CHRM5: variants seen among roughly 807,000 people sequenced by gnomAD.
The protein encoded by CHRM5 is cholinergic receptor muscarinic 5.
A neutral mutation model predicts 39.0 loss-of-function variants in CHRM5; 18 were observed. The observed-to-expected ratio is 0.46, with a 90% CI of 0.32 to 0.68. CHRM5 has a LOEUF of 0.68. Ranked by LOEUF, CHRM5 falls within the 30% of genes least tolerant of loss-of-function variation. The probability of loss-of-function intolerance (pLI) is 0.04; values close to 1 mark genes in which losing one functional copy is unlikely to be tolerated. For missense variants in CHRM5, 515 were observed against 651.1 expected, an observed-to-expected ratio of 0.79 and a Z score of 2.28; for synonymous variants, 241 against 246.3, an observed-to-expected ratio of 0.98 and a Z score of 0.20.
intron 2 of CHRM5, among the ~76,000 whole-genome samples, chr15:34,047,810 G>T (rs1275851925): frequency 6.6e-6 from 1 of 152,006 alleles, no homozygotes; most frequent in Non-Finnish European, 1.5e-5. Context: ...GTGCAATGGC[G>T]CAATCTCGGC....
chr15:34,025,000 G>A lies in CHRM5; in HGVS notation c.-407-21540G>A, dbSNP rs193080696. Among the ~76,000 whole-genome samples, 13 of 151,520 alleles carry A rather than the reference G, an allele frequency of 8.6e-5. No individual in the cohort carries two copies. The East Asian group carries it at 1.2e-3, about 14-fold the overall frequency. ...GATTTTGAGACCAGTAGAGAACCCC[G>A]TCTCTACTAAAAATACAAAAATTAG... On this transcript the variant is annotated intron_variant, in intron 1 of 2. Transcript: ENST00000383263.
intron 1 of CHRM5, among the ~76,000 whole-genome samples, chr15:33,985,220 C>T (rs1896371384): frequency 6.6e-6 from 1 of 151,898 alleles, no homozygotes; most frequent in Non-Finnish European, 1.5e-5. Flanking sequence ...CATGAGACAC[C>T]TGGGCCAGAG....
At chr15:34,036,166 A>T (rs1899115982) in intron 1 of CHRM5, among the ~76,000 whole-genome samples, 1 of 152,036 alleles carries the variant, frequency 6.6e-6, no homozygotes, top group Non-Finnish European at 1.5e-5. Context: ...GTATTCCGTG[A>T]AGATAATTAT....
intron 1 of CHRM5, among the ~76,000 whole-genome samples, chr15:34,008,839 G>A (rs1897494763): frequency 6.6e-6 from 1 of 151,974 alleles, no homozygotes; most frequent in Non-Finnish European, 1.5e-5. Context: ...TAGTGTATAT[G>A]CAAAGAGATT....
intron 2 of CHRM5, among the ~76,000 whole-genome samples, chr15:34,050,534 C>T (rs892456060): frequency 2.6e-5 from 4 of 152,058 alleles, no homozygotes; most frequent in African/African-American, 9.7e-5. Context: ...GCTAAATGCC[C>T]CAATTAAAAG....
chr15:34,057,294 G>A (rs1335979065), intron 2 of CHRM5, among the ~76,000 whole-genome samples: 2 of 118,236 alleles, frequency 1.7e-5, no homozygotes, highest in African/African-American at 3.1e-5. Flanking sequence ...ATGCCACCAC[G>A]CCCAGCTAAT....
chr15:34,005,616 A>G (rs1420341550), intron 1 of CHRM5, among the ~76,000 whole-genome samples: 1 of 152,202 alleles, frequency 6.6e-6, no homozygotes, highest in African/African-American at 2.4e-5. Context: ...GGGTTTGGAT[A>G]ATGAAGTCTG....
chr15:33,984,952 A>C (rs529300404), intron 1 of CHRM5, among the ~76,000 whole-genome samples: 1 of 152,174 alleles, frequency 6.6e-6, no homozygotes, highest in South Asian at 2.1e-4. Context: ...TGAACCAACC[A>C]ATATTTTCAC....
At position 34,053,319 on chromosome 15, in the gene CHRM5, A is replaced by AAAAT. The variant is rs775436850; in HGVS notation, c.-76+6449_-76+6450insAATA. On this transcript the variant is annotated intron_variant, in intron 2 of 2. Coordinates refer to ENST00000383263, the MANE Select transcript of CHRM5 (RefSeq NM_012125.4). ...CATCTCAAAAAAAAAAAAAAAAAAAAATATATATATATATATATATATATG... is the reference window on the plus strand; with the variant it reads ...CATCTCAAAAAAAAAAAAAAAAAAAAAAATATATATATATATATATATATATATG... 7.3e-3 allele frequency among the ~76,000 whole-genome samples: 306 copies of AAAAT among 42,022 alleles called. 4 individuals carry two copies. The highest frequency in any genetic ancestry group is 0.011 in the Non-Finnish European group (231 of 21,182). The allele number at this position is 42,022 out of a possible 152,430, so 27.6% of individuals were successfully genotyped here. A position where few individuals can be genotyped will look rare whatever the true frequency, so the allele number is the denominator to read the frequency against.
intron 1 of CHRM5, chr15:34,039,249 G>A (rs1899351622): frequency 7.9e-6 from 2 of 252,298 alleles, no homozygotes; most frequent in South Asian, 1.5e-4. Flanking sequence ...AGGTGGGGCC[G>A]GAACCGGGAC....
chr15:34,046,041 T>C (rs1899669098), intron 1 of CHRM5, among the ~76,000 whole-genome samples: 1 of 152,130 alleles, frequency 6.6e-6, no homozygotes, highest in Non-Finnish European at 1.5e-5. Flanking sequence ...ACTGTTAAAG[T>C]TTGAGTAATC....
chr15:34,016,850 C>A (rs1410624448), intron 1 of CHRM5, among the ~76,000 whole-genome samples: 1 of 152,124 alleles, frequency 6.6e-6, no homozygotes, highest in African/African-American at 2.4e-5. Flanking sequence ...TGCCAACACC[C>A]ACGTGTGGTG....
intron 1 of CHRM5, among the ~76,000 whole-genome samples, chr15:34,032,213 T>C (rs1208791197): frequency 6.6e-6 from 1 of 152,176 alleles, no homozygotes; most frequent in Non-Finnish European, 1.5e-5. Context: ...GAAAACACCT[T>C]TGCAACCACC....
chr15:33,990,266 C>T (rs1055231456), intron 1 of CHRM5, among the ~76,000 whole-genome samples: 10 of 151,946 alleles, frequency 6.6e-5, no homozygotes, highest in African/African-American at 2.4e-4. Context: ...CCTATAGTCC[C>T]AGCTACTCAG....
At chr15:34,017,895 T>C (rs1343004447) in intron 1 of CHRM5, among the ~76,000 whole-genome samples, 1 of 152,192 alleles carries the variant, frequency 6.6e-6, no homozygotes, top group Non-Finnish European at 1.5e-5. Flanking sequence ...CCCATAAGGT[T>C]ATAATGGAGC....
intron 1 of CHRM5, among the ~76,000 whole-genome samples, chr15:34,014,399 A>C (rs1897786719): frequency 7.3e-6 from 1 of 136,836 alleles, no homozygotes; most frequent in Admixed American, 7.6e-5. Context: ...AACAAAAACC[A>C]CGTTTGAGGA....
At chr15:34,057,615 T>C (rs1280707464) in intron 2 of CHRM5, among the ~76,000 whole-genome samples, 3 of 152,078 alleles carry the variant, frequency 2.0e-5, no homozygotes, top group African/African-American at 7.2e-5. Context: ...GAGACTCAGG[T>C]TAAGTAATGT....
At position 34,064,356 on chromosome 15, in the gene CHRM5, C is replaced by A; in HGVS notation, c.*40C>A. 2.6e-6 allele frequency: 4 copies of A among 1,564,590 alleles called. No homozygotes were observed. Among genetic ancestry groups the A allele is most frequent in the South Asian group, 2.4e-5 (2 of 82,184 alleles). On this transcript the variant is annotated 3_prime_UTR_variant, in exon 3 of 3. Transcript: ENST00000383263. The stretch of plus-strand genomic sequence containing the variant: ...CTCTCGAAAGAACAATGACCACAGT[C>A]AACATCCTCTGAGGATGAGCAAGCT...
At position 34,039,108 on chromosome 15, in the gene CHRM5, C is replaced by T. The variant is rs1288808068; in HGVS notation, c.-407-7432C>T. ...GAGCTGCGGCGGAGACGCCCTGGCC[C>T]CACCGGAAGCGGGCCGCACGGAGGA... On this transcript the variant is annotated intron_variant, in intron 1 of 2. Transcript: ENST00000383263. The T allele has an allele frequency of 3.8e-6, 4 of 1,059,996 alleles. No individual in the cohort carries two copies. The African/African-American group carries it at 6.8e-5, about 18-fold the overall frequency. The allele number at this position is 1,059,996 out of a possible 1,614,324, so 65.7% of individuals were successfully genotyped here.
Sources: allele counts gnomAD v4.1 joint callset (sites outside exome capture counted in the v4.1 genomes callset), GRCh38; gene constraint gnomAD v4.1.1; transcripts MANE v1.5; gene names NCBI Gene and HGNC (gene_info 2026-07-23, HGNC 2026-07-21).